Variants in MTA3 observed in about 807,000 individuals in gnomAD.
MTA3 encodes metastasis-associated protein MTA3.
MTA3 carries 34 observed loss-of-function variants against 83.5 expected under a neutral mutation model. The observed-to-expected ratio is 0.41, with a 90% CI of 0.31 to 0.54. The LOEUF (loss-of-function observed/expected upper bound fraction) is 0.54, where lower values mean the gene tolerates loss of function less well. MTA3 is among the 20% of genes least tolerant of loss of function. MTA3 has a pLI of 0.33. For synonymous variants in MTA3, 303 were observed against 252.7 expected (o/e 1.20, Z -1.89); for missense variants, 761 against 726.4 (o/e 1.05, Z -0.55).
At chr2:42,745,824 C>CT (rs146921280) in intron 16 of MTA3, among the ~76,000 whole-genome samples, 3 of 119,370 alleles carry the variant, frequency 2.5e-5, no homozygotes, top group African/African-American at 6.5e-5. Flanking sequence ...AAATAGTCCT[C>CT]TTTTTTTTGA....
At chr2:42,714,352 AT>A (rs530455192) in intron 14 of MTA3, among the ~76,000 whole-genome samples, 35 of 151,502 alleles carry the variant, frequency 2.3e-4, no homozygotes, top group South Asian at 2.1e-4. Context: ...TGCCAAGCAG[AT>A]TTTTTTTTAA....
intron 2 of MTA3, among the ~76,000 whole-genome samples, chr2:42,527,178 C>T (rs115622608): frequency 0.049 from 7,383 of 151,802 alleles, 495 homozygotes; most frequent in Admixed American, 0.2. Flanking sequence ...CTCACCTGAA[C>T]CAATCAATCA....
chr2:42,752,191 A>C (rs1669924138), intron 16 of MTA3: 1 of 471,214 alleles, frequency 2.1e-6, no homozygotes, highest in Admixed American at 2.3e-5. Flanking sequence ...TGCTGAGCTC[A>C]TATCAAATAC....
intron 3 of MTA3, among the ~76,000 whole-genome samples, chr2:42,608,758 C>T (rs1683815704): frequency 6.6e-6 from 1 of 152,176 alleles, no homozygotes; most frequent in East Asian, 1.9e-4. Context: ...GTGATGTACG[C>T]CTGTAATCAC....
chr2:42,653,041 A>G (rs1688859228), intron 6 of MTA3, among the ~76,000 whole-genome samples: 1 of 152,252 alleles, frequency 6.6e-6, no homozygotes, highest in Admixed American at 6.5e-5. Flanking sequence ...AAAATTCTTA[A>G]GAAGTACTTT....
intron 2 of MTA3, among the ~76,000 whole-genome samples, chr2:42,512,042 T>C (rs938051177): frequency 2.7e-5 from 4 of 150,414 alleles, no homozygotes; most frequent in Non-Finnish European, 5.9e-5. Flanking sequence ...ATAAATAAAA[T>C]AAAATAAAAA....
intron 9 of MTA3, among the ~76,000 whole-genome samples, chr2:42,687,733 A>C (rs1219570947): frequency 6.6e-6 from 1 of 152,194 alleles, no homozygotes; most frequent in East Asian, 1.9e-4. Flanking sequence ...GAGAAATTCT[A>C]GTGCAGGATT....
intron 3 of MTA3, among the ~76,000 whole-genome samples, chr2:42,607,876 G>A (rs1337713879): frequency 2.6e-5 from 4 of 152,238 alleles, no homozygotes; most frequent in East Asian, 3.9e-4. Flanking sequence ...ACTTGAACCC[G>A]GGAGATGGAG....
chr2:42,501,604 G>A lies in MTA3; in HGVS notation c.-141+6350G>A, dbSNP rs189158529. On this transcript the variant is annotated intron_variant, in intron 2 of 17. Coordinates refer to the MTA3 transcript ENST00000405592. Reference sequence around the variant, plus strand: ...CCCAATGCAGTAAAGTCAAACACTGGCATCAGGATTGCAGCGAGACAAAGT... The same window carrying A: ...CCCAATGCAGTAAAGTCAAACACTGACATCAGGATTGCAGCGAGACAAAGT... Among the ~76,000 whole-genome samples, 25 of 152,204 alleles carry A rather than the reference G, an allele frequency of 1.6e-4. No homozygotes were observed. The East Asian group carries it at 4.4e-3, about 27-fold the overall frequency.
intron 3 of MTA3, among the ~76,000 whole-genome samples, chr2:42,592,120 C>T (rs1000081769): frequency 7.2e-5 from 11 of 152,042 alleles, no homozygotes; most frequent in East Asian, 3.9e-4. Flanking sequence ...AAAAATTAGC[C>T]GGGTTTGGTG....
At chr2:42,683,543 A>G (rs1692117074) in intron 9 of MTA3, among the ~76,000 whole-genome samples, 1 of 152,150 alleles carries the variant, frequency 6.6e-6, no homozygotes, top group Non-Finnish European at 1.5e-5. Flanking sequence ...TTACATTGTC[A>G]TATATAATAA....
At chr2:42,524,489 T>TTG (rs1675587406) in intron 2 of MTA3, among the ~76,000 whole-genome samples, 1 of 146,246 alleles carries the variant, frequency 6.8e-6, no homozygotes, top group African/African-American at 2.5e-5. Flanking sequence ...TTTTTTTTTT[T>TTG]TTTTTTTGTA....
intron 4 of MTA3, among the ~76,000 whole-genome samples, chr2:42,615,535 T>A (rs1684759343): frequency 6.6e-6 from 1 of 151,576 alleles, no homozygotes. Context: ...TTTGTATTTT[T>A]AGTAGAGACA....
intron 14 of MTA3, 64 bp downstream of exon 14, chr2:42,709,160 C>T (rs1212016457): frequency 2.0e-6 from 3 of 1,502,548 alleles, no homozygotes; most frequent in African/African-American, 1.4e-5. Context: ...CTTTTCCTCT[C>T]TTTCCTTTTT....
chr2:42,755,214 G>A lies in MTA3; in HGVS notation c.*1815G>A, dbSNP rs1275494055. On this transcript the variant is annotated 3_prime_UTR_variant, in exon 17 of 17. Transcript: ENST00000405094. ...TGTACCCTGCTCTGGATTTATTGTC[G>A]TACTTGGACCCAGAAGGGGAAATGA... The A allele has an allele frequency of 5.1e-6, 5 of 985,330 alleles. No individual in the cohort carries two copies. The South Asian group carries it at 1.4e-4, about 28-fold the overall frequency. 61.0% of individuals were successfully genotyped at this position (985,330 alleles called of 1,614,324 possible).
chr2:42,566,187 A>T (rs563699201), upstream of MTA3, among the ~76,000 whole-genome samples: 2 of 152,164 alleles, frequency 1.3e-5, no homozygotes, highest in Non-Finnish European at 2.9e-5. Context: ...GGTCTAAACC[A>T]TGTAGCTAAG....
intron 5 of MTA3, among the ~76,000 whole-genome samples, chr2:42,642,479 G>C (rs1558534520): frequency 6.6e-6 from 1 of 151,868 alleles, no homozygotes; most frequent in Non-Finnish European, 1.5e-5. Flanking sequence ...AACATAGTGA[G>C]ACGTCGTCTC....
At chr2:42,553,715 A>G (rs908274707) in intron 2 of MTA3, among the ~76,000 whole-genome samples, 2 of 151,514 alleles carry the variant, frequency 1.3e-5, no homozygotes, top group African/African-American at 4.9e-5. Context: ...AGCCTGGGCA[A>G]CAAGAGCGAA....
chr2:42,625,480 C>T (rs537345021), intron 4 of MTA3, among the ~76,000 whole-genome samples: 5 of 151,172 alleles, frequency 3.3e-5, no homozygotes, highest in Admixed American at 6.6e-5. Flanking sequence ...GGCACAGTGG[C>T]TTATGCCTTT....
Sources: gnomAD v4.1 joint callset for allele counts (sites outside exome capture counted in the v4.1 genomes callset) on GRCh38, gnomAD v4.1.1 for gene constraint, MANE v1.5 for transcripts, NCBI Gene and HGNC (gene_info 2026-07-23, HGNC 2026-07-21) for gene names.